The following TMEM38B variants were observed in gnomAD, a reference collection of about 807,000 sequenced individuals.
TMEM38B encodes transmembrane protein 38B.
In TMEM38B, 24 loss-of-function variants were observed where a neutral mutation model predicts 28.7. That is an observed-to-expected ratio of 0.84 (90% CI 0.61 to 1.18). The LOEUF (loss-of-function observed/expected upper bound fraction) is 1.18. TMEM38B is among the 50% of genes most tolerant of loss of function. The pLI is 0.00. For synonymous variants in TMEM38B, 131 were observed against 127.7 expected (o/e 1.03, Z -0.17); for missense variants, 380 against 350.9 (o/e 1.08, Z -0.66).
At chr9:105,713,679 G>A (rs1286241137) in intron 2 of TMEM38B, among the ~76,000 whole-genome samples, 2 of 152,210 alleles carry the variant, frequency 1.3e-5, no homozygotes. Flanking sequence ...GGTTCCCAGT[G>A]AAGCCCCACC....
intron 2 of TMEM38B, among the ~76,000 whole-genome samples, chr9:105,717,612 C>G (rs1209537505): frequency 6.6e-6 from 1 of 151,910 alleles, no homozygotes; most frequent in Non-Finnish European, 1.5e-5. Context: ...ATTTATAAAA[C>G]CTTTAACAAC....
chr9:105,769,483 T>A (rs1019626906), intron 5 of TMEM38B, among the ~76,000 whole-genome samples: 1 of 152,066 alleles, frequency 6.6e-6, no homozygotes, highest in South Asian at 2.1e-4. Flanking sequence ...GCCTGGCTAA[T>A]TTTTGTATTT....
At chr9:105,772,923 A>G (rs1482785245) in intron 5 of TMEM38B, among the ~76,000 whole-genome samples, 1 of 152,098 alleles carries the variant, frequency 6.6e-6, no homozygotes, top group African/African-American at 2.4e-5. Flanking sequence ...ATGAATATAT[A>G]CTTTTCTTCC....
intron 5 of TMEM38B, chr9:105,759,961 A>G (rs934107396): frequency 2.6e-6 from 4 of 1,566,440 alleles, no homozygotes; most frequent in African/African-American, 2.7e-5. Context: ...GCAAACAGCT[A>G]TGCAAAGTGA....
intron 1 of TMEM38B, among the ~76,000 whole-genome samples, chr9:105,700,794 A>T (rs866354154): frequency 2.2e-4 from 33 of 152,290 alleles, no homozygotes; most frequent in South Asian, 4.1e-4. Flanking sequence ...CAATATCTTT[A>T]TGAGTCCCCA....
chr9:105,736,461 G>A (rs566537894), intron 4 of TMEM38B, among the ~76,000 whole-genome samples: 3 of 151,802 alleles, frequency 2.0e-5, no homozygotes, highest in African/African-American at 7.2e-5. Flanking sequence ...CTTTTTAAAT[G>A]ATTTCTGTCT....
chr9:105,695,435 G>C (rs1377101161), intron 1 of TMEM38B, among the ~76,000 whole-genome samples: 1 of 152,184 alleles, frequency 6.6e-6, no homozygotes, highest in Admixed American at 6.5e-5. Flanking sequence ...GTACAAGCAA[G>C]AGTTACCTGG....
rs759364624 is a variant in TMEM38B at position 105,722,779 on chromosome 9, T to TTTA, written c.542+159_542+161dup. Reference sequence around the variant, plus strand: ...GAAGAGAACTAGCAAATTTTGTTCTTTTAAAAAGTCTGCTTTCTCAAATGT... The same window carrying TTTA: ...GAAGAGAACTAGCAAATTTTGTTCTTTTATTAAAAAGTCTGCTTTCTCAAATGT... On this transcript the variant is annotated intron_variant, in intron 4 of 5. Coordinates refer to ENST00000374692, the MANE Select transcript of TMEM38B (RefSeq NM_018112.3). Among the ~76,000 whole-genome samples, 89 of 152,278 alleles carry TTTA rather than the reference T, an allele frequency of 5.8e-4. 1 individual carries two copies. Among genetic ancestry groups the TTTA allele is most frequent in the African/African-American group, 2.1e-3 (88 of 41,574 alleles).
At chr9:105,703,672 A>G (rs898320138) in intron 1 of TMEM38B, among the ~76,000 whole-genome samples, 3 of 151,990 alleles carry the variant, frequency 2.0e-5, no homozygotes, top group African/African-American at 7.3e-5. Flanking sequence ...CAACAGTGTA[A>G]AAGTGTTCCT....
intron 1 of TMEM38B, among the ~76,000 whole-genome samples, 155 bp from the exon 2 acceptor site, chr9:105,705,430 AAGAATAAAAGGT>A (rs1315427492): frequency 6.6e-6 from 1 of 152,246 alleles, no homozygotes; most frequent in Non-Finnish European, 1.5e-5. Flanking sequence ...TCTTGCTTTA[AAGAATAAAAGGT>A]ATGATTTTTA....
chr9:105,706,906 G>A (rs1424080162), intron 2 of TMEM38B, among the ~76,000 whole-genome samples: 3 of 151,840 alleles, frequency 2.0e-5, no homozygotes, highest in Non-Finnish European at 4.4e-5. Flanking sequence ...CCTCCCAAGT[G>A]GCTGAGATTA....
intron 4 of TMEM38B, among the ~76,000 whole-genome samples, chr9:105,743,120 G>A (rs1488984458): frequency 6.6e-6 from 1 of 152,134 alleles, no homozygotes; most frequent in Non-Finnish European, 1.5e-5. Context: ...AAACATGACT[G>A]TTACCCAATC....
chr9:105,743,792 C>T (rs992237485), intron 4 of TMEM38B, among the ~76,000 whole-genome samples: 1 of 152,102 alleles, frequency 6.6e-6, no homozygotes, highest in Non-Finnish European at 1.5e-5. Flanking sequence ...CTTTCTTTTC[C>T]TGCATTCCAC....
intron 1 of TMEM38B, among the ~76,000 whole-genome samples, chr9:105,704,691 C>T (rs546605262): frequency 5.9e-5 from 9 of 151,704 alleles, no homozygotes; most frequent in Non-Finnish European, 1.0e-4. Flanking sequence ...TTTGGGAGGC[C>T]GAGGTGGGTG....
At chr9:105,767,009 C>T (rs866656674) in intron 5 of TMEM38B, among the ~76,000 whole-genome samples, 36 of 151,136 alleles carry the variant, frequency 2.4e-4, no homozygotes, top group African/African-American at 6.6e-4. Flanking sequence ...TCTGTCCTTG[C>T]GATCGTTTGC....
intron 5 of TMEM38B, 43 bp downstream of exon 5, chr9:105,748,233 A>G: frequency 1.4e-6 from 2 of 1,396,274 alleles, no homozygotes; most frequent in South Asian, 1.2e-5. Context: ...ATCCTGTATA[A>G]CTATTCCCCT....
At chr9:105,748,864 A>G (rs988753822) in intron 5 of TMEM38B, among the ~76,000 whole-genome samples, 2 of 152,188 alleles carry the variant, frequency 1.3e-5, no homozygotes, top group African/African-American at 2.4e-5. Context: ...TACCATGATT[A>G]AGTATTGTTC....
At chr9:105,709,280 G>A (rs1416337533) in intron 2 of TMEM38B, among the ~76,000 whole-genome samples, 1 of 152,004 alleles carries the variant, frequency 6.6e-6, no homozygotes, top group East Asian at 1.9e-4. Context: ...GTATATTACA[G>A]TCACTGCACA....
intron 2 of TMEM38B, among the ~76,000 whole-genome samples, chr9:105,717,686 C>T (rs972864799): frequency 2.0e-5 from 3 of 152,048 alleles, no homozygotes; most frequent in Admixed American, 6.5e-5. Flanking sequence ...TTGTATTCAA[C>T]ATTATGTTAC....
Sources: gnomAD v4.1 joint callset for allele counts (sites outside exome capture counted in the v4.1 genomes callset) on GRCh38, gnomAD v4.1.1 for gene constraint, MANE v1.5 for transcripts, NCBI Gene and HGNC (gene_info 2026-07-23, HGNC 2026-07-21) for gene names.